Variants in PPP6R2 observed in about 807,000 individuals in gnomAD.
PPP6R2 encodes the protein protein phosphatase 6 regulatory subunit 2.
A neutral mutation model predicts 100.2 loss-of-function variants in PPP6R2; 62 were observed. The observed-to-expected ratio is 0.62, with a 90% CI of 0.50 to 0.76. The LOEUF is 0.76. PPP6R2 is among the 30% of genes least tolerant of loss of function. The probability of loss-of-function intolerance (pLI) is 0.00; values close to 1 mark genes in which losing one functional copy is unlikely to be tolerated. For synonymous variants in PPP6R2, 525 were observed against 514.7 expected (o/e 1.02, Z -0.27); for missense variants, 1,142 against 1,276.3 (o/e 0.89, Z 1.60).
Position 50,423,506 on chromosome 22 carries a change from G to A in PPP6R2, c.1017G>A (p.Leu339=), listed in dbSNP as rs748748849. Residue 339 remains leucine, a synonymous_variant, in exon 10 of 24, where the codon CTG becomes CTA. Coordinates refer to ENST00000612753, the MANE Select transcript of PPP6R2 (RefSeq NM_001242898.2). This position sits in a 1 kb window ranked among gnomAD's most constrained non-coding sequence, Gnocchi z 4.8. The part of the protein sequence containing the change: ...LTTIGVLEEP[L]GNARLHGARL... Reference sequence around the variant, plus strand: ...CCATTGGTGTGCTGGAGGAGCCCCTGGGGAATGCCCGTCTGCATGGCGCCC... The same window carrying A: ...CCATTGGTGTGCTGGAGGAGCCCCTAGGGAATGCCCGTCTGCATGGCGCCC... 36 of 1,614,098 alleles carry A rather than the reference G, an allele frequency of 2.2e-5. No individual in the cohort carries two copies. Among genetic ancestry groups the A allele is most frequent in the Admixed American group, 2.2e-4 (13 of 60,010 alleles).
the PPP6R2 span, among the ~76,000 whole-genome samples, chr22:50,335,151 A>G: frequency 1.5e-4 from 23 of 150,478 alleles, no homozygotes; most frequent in Non-Finnish European, 2.5e-4. Flanking sequence ...TCCCAGGTTC[A>G]AGCGATTCTG....
At chr22:50,392,713 G>C (rs917273858) in intron 2 of PPP6R2, among the ~76,000 whole-genome samples, 5 of 152,312 alleles carry the variant, frequency 3.3e-5, no homozygotes, top group Middle Eastern at 3.4e-3. Flanking sequence ...GTAGGTATCT[G>C]GGGCCAGGAG....
chr22:50,437,677 C>T (rs1302152862), intron 16 of PPP6R2, 74 bp downstream of exon 16: 3 of 1,445,722 alleles, frequency 2.1e-6, no homozygotes, highest in South Asian at 1.2e-5. Context: ...AGGCAGCTCC[C>T]TGAGGTCTTG....
At chr22:50,368,118 T>C (rs2049143271) in intron 1 of PPP6R2, among the ~76,000 whole-genome samples, 1 of 152,228 alleles carries the variant, frequency 6.6e-6, no homozygotes, top group South Asian at 2.1e-4. Context: ...TACTGCTATC[T>C]AGAAGGCGGA....
At chr22:50,371,730 C>T (rs2050264932) in intron 1 of PPP6R2, among the ~76,000 whole-genome samples, 1 of 152,086 alleles carries the variant, frequency 6.6e-6, no homozygotes, top group African/African-American at 2.4e-5. Flanking sequence ...ACCTCTGCCT[C>T]CCAGGCTCCA....
chr22:50,420,218 C>T (rs1231845101), intron 8 of PPP6R2, among the ~76,000 whole-genome samples: 1 of 152,182 alleles, frequency 6.6e-6, no homozygotes, highest in Non-Finnish European at 1.5e-5. Flanking sequence ...TGGAGCCTCG[C>T]AGTCAGGGAC....
At chr22:50,403,085 T>C (rs537472409) in intron 3 of PPP6R2, among the ~76,000 whole-genome samples, 74 of 152,212 alleles carry the variant, frequency 4.9e-4, no homozygotes, top group African/African-American at 1.7e-3. Context: ...TGGTGGTGCA[T>C]GCCTGTAATC....
intron 1 of PPP6R2, among the ~76,000 whole-genome samples, chr22:50,361,901 C>G (rs915748831): frequency 6.6e-6 from 1 of 152,192 alleles, no homozygotes; most frequent in African/African-American, 2.4e-5. Flanking sequence ...GTATTAGTCA[C>G]TGTCCTAGGG....
intron 4 of PPP6R2, 88 bp from the exon 5 acceptor site, chr22:50,414,464 T>C (rs1426668197): frequency 6.2e-6 from 9 of 1,455,114 alleles, no homozygotes; most frequent in African/African-American, 5.7e-5. Flanking sequence ...TAATTACTAG[T>C]TCAACTTTCC....
At chr22:50,434,925 C>A in intron 12 of PPP6R2, 41 bp from the exon 13 acceptor site, 1 of 1,562,030 alleles carries the variant, frequency 6.4e-7, no homozygotes, top group Admixed American at 1.8e-5. Flanking sequence ...CTGGCAAGGT[C>A]GGGGCCAGGA....
chr22:50,407,729 G>A (rs1419864265), intron 4 of PPP6R2, among the ~76,000 whole-genome samples: 1 of 152,190 alleles, frequency 6.6e-6, no homozygotes, highest in African/African-American at 2.4e-5. Flanking sequence ...GGACACACAG[G>A]TAGAGAGGCG....
At chr22:50,373,117 T>TA (rs369609293) in intron 2 of PPP6R2, among the ~76,000 whole-genome samples, 1 of 152,138 alleles carries the variant, frequency 6.6e-6, no homozygotes, top group African/African-American at 2.4e-5. Context: ...ACCACACAGT[T>TA]ACGCAGAAAA....
At chr22:50,396,719 A>G (rs1231250311) in intron 3 of PPP6R2, among the ~76,000 whole-genome samples, 5 of 152,146 alleles carry the variant, frequency 3.3e-5, no homozygotes, top group Admixed American at 6.6e-5. Flanking sequence ...ATAAAGCAGG[A>G]TAGTGAGCCA....
chr22:50,413,772 A>T (rs1238529670), intron 4 of PPP6R2, among the ~76,000 whole-genome samples: 2 of 148,868 alleles, frequency 1.3e-5, no homozygotes, highest in Non-Finnish European at 3.0e-5. Context: ...CCCTGCAGCC[A>T]GGTGGGCCTT....
At chr22:50,405,418 A>T (rs1320071578) in intron 3 of PPP6R2, among the ~76,000 whole-genome samples, 1 of 143,932 alleles carries the variant, frequency 6.9e-6, no homozygotes, top group African/African-American at 2.6e-5. Context: ...GCCTGGAGAG[A>T]GGTGAGAGGC....
intron 11 of PPP6R2, 43 bp from the exon 12 acceptor site, chr22:50,432,222 C>T: frequency 3.3e-6 from 5 of 1,525,440 alleles, no homozygotes; most frequent in Non-Finnish European, 4.4e-6. Context: ...TGCGTGCCGC[C>T]TTCAGACCCT....
upstream of PPP6R2, among the ~76,000 whole-genome samples, chr22:50,338,510 TAGTGTGTGTGTGC>T (rs2042329081): frequency 7.4e-6 from 1 of 134,892 alleles, no homozygotes; most frequent in Non-Finnish European, 1.6e-5. Context: ...GTGGTGTGTG[TAGTGTGTGTGTGC>T]GGTGTGTGTG....
At chr22:50,408,439 G>C (rs2059286403) in intron 4 of PPP6R2, among the ~76,000 whole-genome samples, 1 of 152,122 alleles carries the variant, frequency 6.6e-6, no homozygotes, top group South Asian at 2.1e-4. Flanking sequence ...TCTGAGAGTT[G>C]CAAGGGCCGC....
chr22:50,441,580 C>T (rs2065635552), intron 22 of PPP6R2, among the ~76,000 whole-genome samples: 1 of 152,164 alleles, frequency 6.6e-6, no homozygotes, highest in South Asian at 2.1e-4. Flanking sequence ...GGGGCGGCGG[C>T]CTCAGGACTG....
Sources: gnomAD v4.1 joint callset for allele counts (sites outside exome capture counted in the v4.1 genomes callset) on GRCh38, gnomAD v4.1.1 for gene constraint, Gnocchi (gnomAD v3.1) non-coding constraint, MANE v1.5 for transcripts, NCBI Gene and HGNC (gene_info 2026-07-23, HGNC 2026-07-21) for gene names.